The following NOS1 variants were observed in gnomAD, a reference collection of about 807,000 sequenced individuals.
The protein encoded by NOS1 is NOS type I.
In NOS1, 51 loss-of-function variants were observed where a neutral mutation model predicts 164.5. The ratio of observed to expected loss-of-function variants is 0.31; its 90% confidence interval spans 0.25 to 0.39. The LOEUF (loss-of-function observed/expected upper bound fraction) is 0.39, where lower values mean the gene tolerates loss of function less well. Ranked by LOEUF, NOS1 falls within the 10% of genes least tolerant of loss-of-function variation. NOS1 has a pLI of 1.00. For missense variants in NOS1, 1,362 were observed against 1,885.6 expected, an observed-to-expected ratio of 0.72 and a Z score of 5.14; for synonymous variants, 719 against 745.8, an observed-to-expected ratio of 0.96 and a Z score of 0.59.
At chr12:117,340,132 G>A (rs987200308) in intron 1 of NOS1, among the ~76,000 whole-genome samples, 2 of 152,036 alleles carry the variant, frequency 1.3e-5, no homozygotes, top group Admixed American at 6.6e-5. Context: ...GGCCTCCTGA[G>A]TAACTGGACT....
At chr12:117,340,873 A>ATTTTTTTTT (rs56322341) in intron 1 of NOS1, among the ~76,000 whole-genome samples, 1,332 of 104,374 alleles carry the variant, frequency 0.013, 1 homozygote, top group Non-Finnish European at 0.017. Flanking sequence ...ACACCTGGCT[A>ATTTTTTTTT]TTTTTTTTTT....
In NOS1 at chr12:117,237,562, G is replaced by C. The variant is rs1490905874; in HGVS notation, c.3042-2804C>G. ...CCTTCTCCCCCCGAGTGTCCCCTCT[G>C]TGTGACTTATGTCTAGCCACATCCA... On this transcript the variant is annotated intron_variant, in intron 20 of 28. Transcript: ENST00000317775. Among the ~76,000 whole-genome samples, 4 of 152,060 alleles carry C rather than the reference G, an allele frequency of 2.6e-5. 1 individual carries two copies. The highest frequency in any genetic ancestry group is 2.0e-4 in the Admixed American group (3 of 15,252).
chr12:117,208,909 G>T lies in NOS1; in HGVS notation c.*6400C>A. The T allele has an allele frequency of 3.1e-6, 2 of 641,834 alleles. No individual in the cohort carries two copies. The highest frequency in any genetic ancestry group is 3.9e-6 in the Non-Finnish European group (2 of 515,818). The allele number at this position is 641,834 out of a possible 1,614,324, so 39.8% of individuals were successfully genotyped here. ...GGCTGATTTTTGTATTTTTAGTAGAGACGAGGTTTTGCCATGTTAGCCAGG... is the reference window on the plus strand; with the variant it reads ...GGCTGATTTTTGTATTTTTAGTAGATACGAGGTTTTGCCATGTTAGCCAGG... On this transcript the variant is annotated 3_prime_UTR_variant, in exon 29 of 29. Coordinates refer to ENST00000317775, the MANE Select transcript of NOS1 (RefSeq NM_000620.5).
chr12:117,244,468 G>A (rs1870461747), intron 18 of NOS1, among the ~76,000 whole-genome samples: 1 of 152,180 alleles, frequency 6.6e-6, no homozygotes, highest in Non-Finnish European at 1.5e-5. Context: ...CGAGCTTCTG[G>A]CCTCAAGCAA....
chr12:117,257,373 G>A (rs1443835090), intron 16 of NOS1, among the ~76,000 whole-genome samples: 4 of 152,000 alleles, frequency 2.6e-5, no homozygotes, highest in East Asian at 1.9e-4. Context: ...ATGAGCCACC[G>A]TGCCCAGCCA....
At chr12:117,231,041 T>C (rs959110436) in intron 22 of NOS1, among the ~76,000 whole-genome samples, 4 of 151,854 alleles carry the variant, frequency 2.6e-5, no homozygotes, top group Admixed American at 2.6e-4. Flanking sequence ...ATGAATAAGA[T>C]CTAGGCCGGG....
chr12:117,340,637 C>T (rs188553362), intron 1 of NOS1, among the ~76,000 whole-genome samples: 1 of 152,310 alleles, frequency 6.6e-6, no homozygotes, highest in East Asian at 1.9e-4. Context: ...TCAAGTGATT[C>T]TCCTGCCTCA....
At chr12:117,242,370 G>A (rs9658477) in intron 20 of NOS1, among the ~76,000 whole-genome samples, 3 of 152,214 alleles carry the variant, frequency 2.0e-5, no homozygotes, top group African/African-American at 7.2e-5. Flanking sequence ...GTGGTCTACT[G>A]TTAAAAATCA....
rs9658501 is a variant in NOS1 at position 117,227,459 on chromosome 12, A to C, written c.3588T>G (p.Thr1196=). 1.1e-5 allele frequency: 17 copies of C among 1,613,702 alleles called. No individual in the cohort carries two copies. The highest frequency in any genetic ancestry group is 1.4e-5 in the Non-Finnish European group (16 of 1,179,950). ...PDMYPDEVHL[T]VAIVSYRTRD... Reference sequence around the variant, plus strand: ...GAGTGCGGTAGGAAACGATGGCCACAGTGAGGTGCACTTCATCAGGGTACA... The same window carrying C: ...GAGTGCGGTAGGAAACGATGGCCACCGTGAGGTGCACTTCATCAGGGTACA... The change falls in exon 23 of 29, where the codon ACT becomes ACG. Residue 1196 remains threonine (T), a synonymous_variant. Transcript: ENST00000317775.
At chr12:117,258,509 A>G in intron 15 of NOS1, 54 bp from the exon 16 acceptor site, 1 of 1,577,962 alleles carries the variant, frequency 6.3e-7, no homozygotes, top group African/African-American at 1.3e-5. Flanking sequence ...ATGGGAAATC[A>G]GGTCGGATAC....
chr12:117,309,880 A>G (rs1039053899), intron 3 of NOS1, among the ~76,000 whole-genome samples: 3 of 152,098 alleles, frequency 2.0e-5, no homozygotes, highest in Admixed American at 6.6e-5. Flanking sequence ...TGGCCCAACA[A>G]TCCCACTTCT....
At chr12:117,358,564 C>G (rs76466562) in intron 1 of NOS1, among the ~76,000 whole-genome samples, 5 of 152,304 alleles carry the variant, frequency 3.3e-5, no homozygotes, top group Admixed American at 2.6e-4. Context: ...GCATTGTTTC[C>G]AGAACCCCTT....
intron 3 of NOS1, among the ~76,000 whole-genome samples, chr12:117,292,612 G>A (rs1384157206): frequency 6.6e-6 from 1 of 152,186 alleles, no homozygotes; most frequent in African/African-American, 2.4e-5. Context: ...GGAAACTGAG[G>A]CACAGAGAGG....
chr12:117,298,484 T>C (rs1873579234), intron 3 of NOS1, among the ~76,000 whole-genome samples: 1 of 152,184 alleles, frequency 6.6e-6, no homozygotes, highest in South Asian at 2.1e-4. Flanking sequence ...GGCTGAACCA[T>C]GTCCTCCCTC....
chr12:117,258,664 G>A (rs1871652674), intron 15 of NOS1, among the ~76,000 whole-genome samples: 1 of 152,044 alleles, frequency 6.6e-6, no homozygotes, highest in African/African-American at 2.4e-5. Context: ...CTACAGGTGT[G>A]GACTCCCTAC....
intron 26 of NOS1, among the ~76,000 whole-genome samples, chr12:117,222,273 T>C (rs1379860443): frequency 6.6e-6 from 1 of 152,156 alleles, no homozygotes; most frequent in African/African-American, 2.4e-5. Flanking sequence ...TATATATTTT[T>C]GAGATGGAGT....
intron 3 of NOS1, among the ~76,000 whole-genome samples, chr12:117,298,770 C>T (rs933704232): frequency 2.0e-5 from 3 of 152,240 alleles, no homozygotes; most frequent in East Asian, 3.9e-4. Flanking sequence ...GAACCAGCAC[C>T]GCCAACACCT....
At position 117,227,434 on chromosome 12, in the gene NOS1, G is replaced by T. The variant is rs757229486; in HGVS notation, c.3613C>A (p.Arg1205=). Residue 1205 remains arginine, a synonymous_variant, in exon 23 of 29, where the codon CGA becomes AGA. Coordinates refer to ENST00000317775, the MANE Select transcript of NOS1 (RefSeq NM_000620.5). Reference sequence around the variant, plus strand: ...CTCTCCCAGTGCCTCCGCCCACCTCGAGTGCGGTAGGAAACGATGGCCACA... The same window carrying T: ...CTCTCCCAGTGCCTCCGCCCACCTCTAGTGCGGTAGGAAACGATGGCCACA... ...LTVAIVSYRT[R]DGEGPIHHGV... 8 of 1,613,790 alleles carry T rather than the reference G, an allele frequency of 5.0e-6. No individual in the cohort carries two copies. The highest frequency in any genetic ancestry group is 6.8e-6 in the Non-Finnish European group (8 of 1,179,900).
chr12:117,317,948 G>C (rs1874742751), intron 2 of NOS1, among the ~76,000 whole-genome samples: 1 of 152,236 alleles, frequency 6.6e-6, no homozygotes, highest in South Asian at 2.1e-4. Context: ...GAGGTGGGAA[G>C]TTTGCTTGAG....
Sources: allele counts gnomAD v4.1 joint callset (sites outside exome capture counted in the v4.1 genomes callset), GRCh38; gene constraint gnomAD v4.1.1; transcripts MANE v1.5; gene names NCBI Gene and HGNC (gene_info 2026-07-23, HGNC 2026-07-21).